Variants in CAST observed in about 807,000 individuals in gnomAD.
CAST encodes calpastatin.
Under a neutral mutation model 119.6 loss-of-function variants are expected in CAST, and 76 were observed. The ratio of observed to expected loss-of-function variants is 0.64; its 90% CI spans 0.53 to 0.77. The LOEUF (loss-of-function observed/expected upper bound fraction) is 0.77. Ranked by LOEUF, CAST falls within the 30% of genes least tolerant of loss-of-function variation. CAST has a pLI of 0.00. For missense variants in CAST, 953 were observed against 946.5 expected (o/e 1.01, Z -0.09); for synonymous variants, 319 against 331.6 (o/e 0.96, Z 0.41).
the CAST span, among the ~76,000 whole-genome samples, chr5:96,271,650 A>AG: frequency 6.7e-6 from 1 of 148,620 alleles, no homozygotes; most frequent in Admixed American, 6.6e-5. Flanking sequence ...TGAAACCACT[A>AG]GGAAAAAAAA....
chr5:96,041,286 G>T, the CAST span, among the ~76,000 whole-genome samples: 1 of 151,932 alleles, frequency 6.6e-6, no homozygotes, highest in South Asian at 2.1e-4. Context: ...TATTTTTATG[G>T]TCCTCCTCCC....
At chr5:96,155,850 A>G in the CAST span, among the ~76,000 whole-genome samples, 6 of 152,138 alleles carry the variant, frequency 3.9e-5, no homozygotes, top group African/African-American at 1.2e-4. Context: ...CAGTGGTAAT[A>G]GTCCAAGATC....
chr5:96,503,076 A>C, the CAST span, among the ~76,000 whole-genome samples: 1 of 152,208 alleles, frequency 6.6e-6, no homozygotes, highest in South Asian at 2.1e-4. Flanking sequence ...CATTCCCACA[A>C]GCAATATATG....
At chr5:96,745,066 C>A (rs1403234667) in intron 16 of CAST, among the ~76,000 whole-genome samples, 1 of 152,140 alleles carries the variant, frequency 6.6e-6, no homozygotes, top group Non-Finnish European at 1.5e-5. Context: ...GCATGTGTAA[C>A]TTTCACTGTC....
chr5:96,651,229 C>A (rs1221769705), intron 1 of CAST, among the ~76,000 whole-genome samples: 1 of 152,178 alleles, frequency 6.6e-6, no homozygotes, highest in African/African-American at 2.4e-5. Flanking sequence ...AGTTAGAAAG[C>A]AGAACAGCAA....
chr5:96,194,298 G>T, the CAST span, among the ~76,000 whole-genome samples: 2 of 152,196 alleles, frequency 1.3e-5, no homozygotes, highest in African/African-American at 4.8e-5. Context: ...TAAAAATGCA[G>T]ATACTGAGAC....
the CAST span, among the ~76,000 whole-genome samples, chr5:96,186,997 T>C: frequency 6.6e-6 from 1 of 152,194 alleles, no homozygotes; most frequent in Non-Finnish European, 1.5e-5. Flanking sequence ...GTTTTGTTGG[T>C]AGGATATTTA....
At chr5:96,491,932 A>T in the CAST span, among the ~76,000 whole-genome samples, 1 of 152,358 alleles carries the variant, frequency 6.6e-6, no homozygotes, top group African/African-American at 2.4e-5. Context: ...TGAAGTTCTA[A>T]AACAGGCAAA....
At chr5:96,234,681 A>AT in the CAST span, among the ~76,000 whole-genome samples, 1 of 152,168 alleles carries the variant, frequency 6.6e-6, no homozygotes, top group African/African-American at 2.4e-5. Flanking sequence ...CAAAAGTTAA[A>AT]TGTTCATCCA....
the CAST span, among the ~76,000 whole-genome samples, chr5:96,047,262 C>T: frequency 5.3e-5 from 8 of 152,040 alleles, no homozygotes; most frequent in Non-Finnish European, 1.2e-4. Flanking sequence ...GGTTTTCATC[C>T]GTGGCAGGGG....
chr5:96,303,090 A>G, the CAST span, among the ~76,000 whole-genome samples: 1 of 152,260 alleles, frequency 6.6e-6, no homozygotes, highest in Non-Finnish European at 1.5e-5. Context: ...TACAGGAAGC[A>G]TGCCTTAGGA....
the CAST span, chr5:96,398,905 A>G: frequency 6.2e-7 from 1 of 1,613,686 alleles, no homozygotes; most frequent in South Asian, 1.1e-5. Flanking sequence ...TGTGACATGA[A>G]GGTCTCCTCT....
chr5:96,413,802 A>C, the CAST span, among the ~76,000 whole-genome samples: 1 of 3,474 alleles, frequency 2.9e-4, no homozygotes, highest in Admixed American at 2.1e-3. Flanking sequence ...CTCTGTCTCA[A>C]AAAAAAAAAA....
intron 30 of CAST, among the ~76,000 whole-genome samples, 161 bp downstream of exon 30, chr5:96,770,763 A>G (rs529365797): frequency 6.6e-6 from 1 of 152,348 alleles, no homozygotes; most frequent in East Asian, 1.9e-4. Flanking sequence ...TTGAATTTGT[A>G]TAAATACATA....
chr5:96,411,586 A>G, the CAST span, among the ~76,000 whole-genome samples: 3 of 152,234 alleles, frequency 2.0e-5, no homozygotes, highest in African/African-American at 2.4e-5. Flanking sequence ...AGGCACAGGT[A>G]TTCAACAGGC....
At chr5:96,146,168 G>A in the CAST span, among the ~76,000 whole-genome samples, 2 of 152,100 alleles carry the variant, frequency 1.3e-5, no homozygotes, top group African/African-American at 4.8e-5. Flanking sequence ...TATATAGCAA[G>A]GCTATGTGCA....
chr5:96,403,813 C>A, the CAST span, among the ~76,000 whole-genome samples: 527 of 152,316 alleles, frequency 3.5e-3, 1 homozygote, highest in Middle Eastern at 0.017. Context: ...CATTTCACAA[C>A]CCACTAAGTC....
chr5:96,127,022 G>C, the CAST span, among the ~76,000 whole-genome samples: 1 of 151,996 alleles, frequency 6.6e-6, no homozygotes, highest in African/African-American at 2.4e-5. Flanking sequence ...TAAGTATGTG[G>C]GCGATCCAAA....
upstream of CAST, chr5:96,662,322 T>TGCCAC: frequency 1.8e-6 from 1 of 567,042 alleles, no homozygotes. Flanking sequence ...GGCCCTCCGC[T>TGCCAC]CCCTCCCTCC....
Sources: allele counts gnomAD v4.1 joint callset (sites outside exome capture counted in the v4.1 genomes callset), GRCh38; gene constraint gnomAD v4.1.1; transcripts MANE v1.5; gene names NCBI Gene and HGNC (gene_info 2026-07-23, HGNC 2026-07-21).